Variants in LAMA5 observed in about 807,000 individuals in gnomAD.
LAMA5 encodes laminin subunit alpha-5.
LAMA5 carries 260 observed loss-of-function variants against 433.4 expected under a neutral mutation model. The observed-to-expected ratio is 0.60, with a 90% CI of 0.54 to 0.66. The LOEUF is 0.66. Among genes scored for constraint, LAMA5 ranks in the 30% least tolerant of loss-of-function variants. LAMA5 has a pLI of 0.00. For missense variants in LAMA5, 5,378 were observed against 5,258.5 expected, an observed-to-expected ratio of 1.02 and a Z score of -0.70; for synonymous variants, 2,620 against 2,226.6, an observed-to-expected ratio of 1.18 and a Z score of -4.97.
chr20:62,311,786 T>G lies in LAMA5; in HGVS notation c.9636-2A>C. Reference sequence around the variant, plus strand: ...TGGTCATCGACATACAGCCAGACTCTGGGGGGCGGGAGGCCGGAGGCTCGG... The same window carrying G: ...TGGTCATCGACATACAGCCAGACTCGGGGGGGCGGGAGGCCGGAGGCTCGG... On this transcript the variant is annotated splice_acceptor_variant, in intron 70 of 79. Coordinates refer to ENST00000252999, the MANE Select transcript of LAMA5 (RefSeq NM_005560.6). LOFTEE classifies it high-confidence loss of function. The G allele has an allele frequency of 1.3e-6, 2 of 1,558,158 alleles. No individual in the cohort carries two copies. The highest frequency in any genetic ancestry group is 1.7e-6 in the Non-Finnish European group (2 of 1,152,108).
At chr20:62,309,584 TAGGAGGGTGGTAGGGGGGTGGG>T (rs1283776946) in intron 79 of LAMA5, 109 bp from the exon 80 acceptor site, 14 of 181,720 alleles carry the variant, frequency 7.7e-5, no homozygotes, top group African/African-American at 3.9e-4. Flanking sequence ...TTCCACATCA[TAGGAGGGTGGTAGGGGGGTGGG>T]AGGAGGGTGG....
In LAMA5 at chr20:62,329,260, G is replaced by T; in HGVS notation, c.4120-7C>A. The T allele has an allele frequency of 1.3e-6, 2 of 1,597,896 alleles. No individual in the cohort carries two copies. The highest frequency in any genetic ancestry group is 8.6e-7 in the Non-Finnish European group (1 of 1,167,164). On this transcript the variant is annotated splice_region_variant and splice_polypyrimidine_tract_variant and intron_variant, in intron 32 of 79. Coordinates refer to ENST00000252999, the MANE Select transcript of LAMA5 (RefSeq NM_005560.6). ...GGACCACGAGTACATAATCCTAGGG[G>T]GTGAGGCCTGGTCACTCTCCCGCGG...
chr20:62,333,971 G>A lies in LAMA5; in HGVS notation c.2808C>T (p.Asn936=). 6.2e-7 allele frequency: 1 copy of A among 1,612,924 alleles called. No individual in the cohort carries two copies. The highest frequency in any genetic ancestry group is 1.1e-5 in the South Asian group (1 of 91,080). ...DLFWLVFRYV[N]RGAMSVSGRV... ...GCCCGCTCACACTCATGGCCCCCCG[G>A]TTGACGTATCGGAAGACGAGCCAGA... is the stretch of plus-strand genomic sequence containing the variant. Residue 936 remains asparagine (N), a synonymous_variant, in exon 23 of 80, where the codon AAC becomes AAT. Coordinates refer to ENST00000252999, the MANE Select transcript of LAMA5 (RefSeq NM_005560.6).
intron 11 of LAMA5, among the ~76,000 whole-genome samples, chr20:62,340,461 G>A (rs576695657): frequency 1.3e-3 from 198 of 151,858 alleles, no homozygotes; most frequent in Non-Finnish European, 2.1e-3. Flanking sequence ...ACAGGCATGC[G>A]CCACCATGCA....
At position 62,330,865 on chromosome 20, in the gene LAMA5, G is replaced by A. The variant is rs752581058; in HGVS notation, c.3730C>T (p.Pro1244Ser). 1 of 1,541,212 alleles carries A rather than the reference G, an allele frequency of 6.5e-7. No homozygotes were observed. Among genetic ancestry groups the A allele is most frequent in the Non-Finnish European group, 8.7e-7 (1 of 1,143,638 alleles). ...LRDCQVIPLP[P>S]GLPLTHAQDL... ...TGCGCGTGGGTCAGCGGGAGGCCGG[G>A]CGGCAGCGGGATCACCTGGCAGTCC... The change falls in exon 30 of 80, where the codon CCC becomes TCC. Residue 1244 changes from proline (P) to serine (S), a missense_variant. Coordinates refer to ENST00000252999, the MANE Select transcript of LAMA5 (RefSeq NM_005560.6).
At chr20:62,331,199 T>TGGGGGGGTGCAGGTGGTACAATG in intron 28 of LAMA5, 70 bp from the exon 29 acceptor site, 2 of 215,580 alleles carry the variant, frequency 9.3e-6, no homozygotes, top group Admixed American at 1.8e-4. Flanking sequence ...GGCGGTACGA[T>TGGGGGGGTGCAGGTGGTACAATG]GGGGGGGTGC....
intron 2 of LAMA5, among the ~76,000 whole-genome samples, chr20:62,357,308 G>A (rs901935104): frequency 2.0e-5 from 3 of 152,180 alleles, no homozygotes; most frequent in Admixed American, 6.5e-5. Flanking sequence ...GCCAATTCCC[G>A]GGGCAGGAAA....
chr20:62,317,278 G>A (rs1987043634), intron 55 of LAMA5, 67 bp downstream of exon 55: 27 of 1,442,144 alleles, frequency 1.9e-5, no homozygotes, highest in Non-Finnish European at 2.4e-5. Flanking sequence ...CAGACCAGCT[G>A]GCCCTCCCAA....
At position 62,320,784 on chromosome 20, in the gene LAMA5, G is replaced by A. The variant is rs770979332; in HGVS notation, c.6603C>T (p.Ala2201=). 6.2e-7 allele frequency: 1 copy of A among 1,612,730 alleles called. No individual in the cohort carries two copies. The highest frequency in any genetic ancestry group is 8.5e-7 in the Non-Finnish European group (1 of 1,179,930). The change falls in exon 49 of 80, where the codon GCC becomes GCT. Residue 2201 remains alanine, a synonymous_variant. Coordinates refer to ENST00000252999, the MANE Select transcript of LAMA5 (RefSeq NM_005560.6). ...CGTTCAGCCTGTGCAGACGGGCCCA[G>A]GCCATGGAGCTGGCATTGATGCCAC... is the stretch of plus-strand genomic sequence containing the variant. The part of the protein sequence containing the change: ...QLRGINASSM[A]WARLHRLNAS...
At chr20:62,348,342 C>T (rs552610740) in intron 6 of LAMA5, among the ~76,000 whole-genome samples, 37 of 152,320 alleles carry the variant, frequency 2.4e-4, no homozygotes, top group African/African-American at 7.5e-4. Flanking sequence ...CAGTGGCTCA[C>T]GCCTGTAATC....
At chr20:62,351,348 T>G in intron 6 of LAMA5, 1 of 399,940 alleles carries the variant, frequency 2.5e-6, no homozygotes. Context: ...GAGTCGGGGA[T>G]CAATCATCCC....
At position 62,336,380 on chromosome 20, in the gene LAMA5, C is replaced by A. The variant is rs556784972; in HGVS notation, c.2283G>T (p.Gly761=). The part of the protein sequence containing the change: ...EGPSCDRCKP[G]FWGLSPSNPE... ...GGTTGCTGGGGCTCAGTCCCCAGAA[C>A]CCAGGTTTGCAGCGGTCACAGCTCG... The change falls in exon 18 of 80, where the codon GGG becomes GGT. Residue 761 remains glycine (G), a synonymous_variant. Coordinates refer to ENST00000252999, the MANE Select transcript of LAMA5 (RefSeq NM_005560.6). 1.2e-6 allele frequency: 2 copies of A among 1,612,544 alleles called. No homozygotes were observed. The highest frequency in any genetic ancestry group is 1.7e-5 in the Admixed American group (1 of 59,976).
At chr20:62,331,473 C>A (rs1980446541) in intron 28 of LAMA5, among the ~76,000 whole-genome samples, 1 of 152,124 alleles carries the variant, frequency 6.6e-6, no homozygotes, top group South Asian at 2.1e-4. Flanking sequence ...AGTTCCTGGG[C>A]CCACAGGCCT....
At position 62,310,777 on chromosome 20, in the gene LAMA5, C is replaced by G; in HGVS notation, c.10334G>C (p.Arg3445Pro). The change falls in exon 75 of 80, where the codon CGG becomes CCG. Residue 3445 changes from arginine (R) to proline (P), a missense_variant. By Grantham distance (103) the Arg-to-Pro change is moderately radical. Transcript: ENST00000252999. ...NRILLVTDGA[R>P]AWSQEGPHRQ... ...GTGCGGCCCCTCCTGGCTCCAGGCC[C>G]GGGCCCCGTCCGTCACCAGCAGGAT... is the stretch of plus-strand genomic sequence containing the variant. The G allele has an allele frequency of 1.9e-6, 3 of 1,552,532 alleles. No individual in the cohort carries two copies. Among genetic ancestry groups the G allele is most frequent in the Non-Finnish European group, 2.6e-6 (3 of 1,150,020 alleles).
chr20:62,334,759 G>GGGCTCAGGGCTC, intron 20 of LAMA5, 138 bp from the exon 21 acceptor site: 1 of 36,856 alleles, frequency 2.7e-5, no homozygotes, highest in Admixed American at 3.2e-4. Flanking sequence ...GGCTCAGGGC[G>GGGCTCAGGGCTC]AGGGCGAGGG....
At chr20:62,355,813 C>T (rs1219541992) in intron 2 of LAMA5, among the ~76,000 whole-genome samples, 1 of 152,196 alleles carries the variant, frequency 6.6e-6, no homozygotes, top group East Asian at 1.9e-4. Context: ...GGCCCCTGTG[C>T]CTGGACAGGG....
rs1252862984 is a variant in LAMA5 at position 62,317,225 on chromosome 20, T to C, written c.7511+120A>G. On this transcript the variant is annotated intron_variant, in intron 55 of 79. Coordinates refer to ENST00000252999, the MANE Select transcript of LAMA5 (RefSeq NM_005560.6). ...GCTTGCCGTGGAGCTGAGGAAGGCC[T>C]GGCTTCTTTGAGGACAACGGCCTCA... 6 of 1,257,606 alleles carry C rather than the reference T, an allele frequency of 4.8e-6. No individual in the cohort carries two copies. In the East Asian group the frequency reaches 1.6e-4, roughly 33 times the overall value. The allele number at this position is 1,257,606 out of a possible 1,614,324, so 77.9% of individuals were successfully genotyped here.
chr20:62,337,128 C>T (rs988295069), intron 16 of LAMA5: 12 of 574,160 alleles, frequency 2.1e-5, no homozygotes, highest in Non-Finnish European at 4.0e-5. Context: ...CACCCACACG[C>T]CCGTGAAAGG....
At position 62,330,330 on chromosome 20, in the gene LAMA5, G is replaced by C. The variant is rs1013673716; in HGVS notation, c.3979+158C>G. Among the ~76,000 whole-genome samples, 5 of 152,192 alleles carry C rather than the reference G, an allele frequency of 3.3e-5. No homozygotes were observed. In the East Asian group the frequency reaches 9.6e-4, roughly 29 times the overall value. Reference sequence around the variant, plus strand: ...TCTGGGAACGGGAGCGGGCGGGTAGGGGCTGCGGGCTGCAAGGGCAGCTAG... The same window carrying C: ...TCTGGGAACGGGAGCGGGCGGGTAGCGGCTGCGGGCTGCAAGGGCAGCTAG... On this transcript the variant is annotated intron_variant, in intron 31 of 79. Transcript: ENST00000252999.
Sources: allele counts gnomAD v4.1 joint callset (sites outside exome capture counted in the v4.1 genomes callset), GRCh38; gene constraint gnomAD v4.1.1; transcripts MANE v1.5; gene names NCBI Gene and HGNC (gene_info 2026-07-23, HGNC 2026-07-21).